Variants in THSD7B observed in about 807,000 individuals in gnomAD.
THSD7B encodes the protein thrombospondin type 1 domain containing 7B, also known as thrombospondin type-1 domain-containing protein 7B.
THSD7B carries 138 observed loss-of-function variants against 213.6 expected under a neutral mutation model. That is an observed-to-expected ratio of 0.65 (90% CI 0.56 to 0.74). The LOEUF is 0.74. Among genes scored for constraint, THSD7B ranks in the 30% least tolerant of loss-of-function variants. The probability of loss-of-function intolerance (pLI) is 0.00; values close to 1 mark genes in which losing one functional copy is unlikely to be tolerated. For synonymous variants in THSD7B, 742 were observed against 687.0 expected (o/e 1.08, Z -1.25); for missense variants, 1,931 against 1,991.5 (o/e 0.97, Z 0.58).
In THSD7B at chr2:136,904,994, C is replaced by T. The variant is rs1217605384; in HGVS notation, c.139+22677C>T. On this transcript the variant is annotated intron_variant, in intron 2 of 27. Transcript: ENST00000409968. ...GGAATCTGTGGGAGGGGAAGTGACT[C>T]TTTCATCCACTACTTCCTTGGCTTT... 4.6e-5 allele frequency among the ~76,000 whole-genome samples: 7 copies of T among 152,310 alleles called. No individual in the cohort carries two copies. In the East Asian group the frequency reaches 9.6e-4, roughly 21 times the overall value.
At chr2:137,098,880 G>A (rs1487817403) in intron 4 of THSD7B, among the ~76,000 whole-genome samples, 1 of 152,104 alleles carries the variant, frequency 6.6e-6, no homozygotes, top group Non-Finnish European at 1.5e-5. Context: ...TAGTTGCTTC[G>A]GAGCAACTAA....
chr2:137,612,515 A>C (rs352192), intron 17 of THSD7B, among the ~76,000 whole-genome samples: 1 of 152,084 alleles, frequency 6.6e-6, no homozygotes. Context: ...TAACATGGTC[A>C]CTTAACTGCA....
At chr2:137,413,752 G>A (rs866526430) in intron 14 of THSD7B, among the ~76,000 whole-genome samples, 3 of 152,204 alleles carry the variant, frequency 2.0e-5, no homozygotes, top group South Asian at 2.1e-4. Context: ...ATAATTTAAC[G>A]GCAGTCATCA....
intron 7 of THSD7B, among the ~76,000 whole-genome samples, chr2:137,179,645 A>G (rs935432175): frequency 6.6e-6 from 1 of 151,866 alleles, no homozygotes; most frequent in Non-Finnish European, 1.5e-5. Context: ...TTAATCTTAT[A>G]ATCAAATATT....
At chr2:137,662,062 CTTTT>C (rs778872364) in intron 25 of THSD7B, among the ~76,000 whole-genome samples, 2 of 132,646 alleles carry the variant, frequency 1.5e-5, no homozygotes, top group Non-Finnish European at 1.6e-5. Flanking sequence ...TTTCTTTTTT[CTTTT>C]TTTTTTTTTT....
chr2:137,243,562 A>T (rs1459676366), intron 10 of THSD7B, among the ~76,000 whole-genome samples: 2 of 152,202 alleles, frequency 1.3e-5, no homozygotes, highest in Non-Finnish European at 2.9e-5. Flanking sequence ...CAGAGAAAAA[A>T]GCCTGTCAGA....
intron 15 of THSD7B, among the ~76,000 whole-genome samples, chr2:137,520,585 T>C (rs1234943505): frequency 6.6e-6 from 1 of 152,200 alleles, no homozygotes; most frequent in Non-Finnish European, 1.5e-5. Context: ...GCTGGATATA[T>C]TTTATGTCCA....
At chr2:136,968,128 A>G (rs568472171) in intron 2 of THSD7B, among the ~76,000 whole-genome samples, 1 of 152,236 alleles carries the variant, frequency 6.6e-6, no homozygotes, top group East Asian at 1.9e-4. Flanking sequence ...TGGGATTTGT[A>G]TTTTAGAATG....
chr2:137,118,230 C>T (rs569648059), intron 5 of THSD7B, among the ~76,000 whole-genome samples: 1 of 152,126 alleles, frequency 6.6e-6, no homozygotes, highest in South Asian at 2.1e-4. Flanking sequence ...AAAATAAAAG[C>T]TTGAATTTGG....
intron 12 of THSD7B, among the ~76,000 whole-genome samples, chr2:137,325,309 G>A (rs1684345868): frequency 6.6e-6 from 1 of 152,188 alleles, no homozygotes; most frequent in African/African-American, 2.4e-5. Flanking sequence ...TTACTTTTCA[G>A]CCATGGCTTT....
intron 2 of THSD7B, among the ~76,000 whole-genome samples, chr2:136,973,415 A>C (rs549104641): frequency 6.6e-6 from 1 of 152,270 alleles, no homozygotes; most frequent in East Asian, 1.9e-4. Context: ...TTGGCAAATA[A>C]ATTTAGAGAC....
chr2:136,773,137 G>C (rs973103713), intron 1 of THSD7B, among the ~76,000 whole-genome samples: 1 of 152,010 alleles, frequency 6.6e-6, no homozygotes, highest in African/African-American at 2.4e-5. Flanking sequence ...TTCAAGCAGA[G>C]TATGAGTAAC....
chr2:136,773,241 C>A (rs544566211), intron 1 of THSD7B, among the ~76,000 whole-genome samples: 3 of 152,012 alleles, frequency 2.0e-5, no homozygotes, highest in African/African-American at 7.2e-5. Flanking sequence ...CGCTACTCTA[C>A]GTGGATTAAC....
At chr2:136,914,867 A>T (rs1286318703) in intron 2 of THSD7B, among the ~76,000 whole-genome samples, 2 of 152,194 alleles carry the variant, frequency 1.3e-5, no homozygotes, top group African/African-American at 4.8e-5. Context: ...AAATGTTGTG[A>T]TCAGTGTCTA....
intron 2 of THSD7B, among the ~76,000 whole-genome samples, chr2:137,012,535 G>C (rs1446229109): frequency 6.6e-6 from 1 of 152,228 alleles, no homozygotes; most frequent in Non-Finnish European, 1.5e-5. Context: ...TCATGGAGAA[G>C]AGTACACATT....
rs1007711155 is a variant in THSD7B at position 136,859,651 on chromosome 2, C to T, written c.-35-22493C>T. ...GTGTGGCTGGTGTGTGCAAGGTATG[C>T]CCCTTCTCTGTGTGTCCAAAAGGCA... is the stretch of plus-strand genomic sequence containing the variant. On this transcript the variant is annotated intron_variant, in intron 1 of 27. Transcript: ENST00000409968. Among the ~76,000 whole-genome samples, 6 of 152,258 alleles carry T rather than the reference C, an allele frequency of 3.9e-5. No individual in the cohort carries two copies. The South Asian group carries it at 1.0e-3, about 26-fold the overall frequency.
intron 12 of THSD7B, among the ~76,000 whole-genome samples, chr2:137,344,345 GTT>G (rs1324424107): frequency 6.6e-6 from 1 of 151,644 alleles, no homozygotes; most frequent in Non-Finnish European, 1.5e-5. Context: ...GAACAAATGA[GTT>G]TTCTAATATG....
intron 2 of THSD7B, among the ~76,000 whole-genome samples, chr2:136,994,237 G>T (rs1685838106): frequency 6.6e-6 from 1 of 152,162 alleles, no homozygotes; most frequent in South Asian, 2.1e-4. Context: ...GCATGAAGAG[G>T]TTTGTAAGGC....
At chr2:137,116,463 T>A (rs1688448360) in intron 5 of THSD7B, among the ~76,000 whole-genome samples, 2 of 152,202 alleles carry the variant, frequency 1.3e-5, no homozygotes, top group African/African-American at 4.8e-5. Context: ...ACCTTGGTGA[T>A]CTTTCCATTC....
Sources: gnomAD v4.1 joint callset for allele counts (sites outside exome capture counted in the v4.1 genomes callset) on GRCh38, gnomAD v4.1.1 for gene constraint, MANE v1.5 for transcripts, NCBI Gene and HGNC (gene_info 2026-07-23, HGNC 2026-07-21) for gene names.